The following DPH7 variants were observed in gnomAD, a reference collection of about 807,000 sequenced individuals.
DPH7 encodes diphthine methyltransferase.
A neutral mutation model predicts 41.7 loss-of-function variants in DPH7; 44 were observed. That is an observed-to-expected ratio of 1.05 (90% CI 0.83 to 1.36). The LOEUF (loss-of-function observed/expected upper bound fraction) is 1.36, where lower values mean the gene tolerates loss of function less well. Among genes scored for constraint, DPH7 ranks in the 40% most tolerant of loss-of-function variants. The pLI is 0.00. For synonymous variants in DPH7, 275 were observed against 238.0 expected, an observed-to-expected ratio of 1.16 and a Z score of -1.43; for missense variants, 629 against 577.5, an observed-to-expected ratio of 1.09 and a Z score of -0.91.
At chr9:137,572,540 AGAT>A (rs1840621106) in intron 5 of DPH7, among the ~76,000 whole-genome samples, 1 of 152,232 alleles carries the variant, frequency 6.6e-6, no homozygotes, top group African/African-American at 2.4e-5. Flanking sequence ...GTAACAAACT[AGAT>A]GAGACAGTGG....
At chr9:137,561,859 T>C (rs1838674594) in intron 8 of DPH7, among the ~76,000 whole-genome samples, 1 of 151,990 alleles carries the variant, frequency 6.6e-6, no homozygotes, top group African/African-American at 2.4e-5. Context: ...GAGGTAGCAA[T>C]AGCCCACTTT....
rs148192262 is a variant in DPH7 at position 137,572,082 on chromosome 9, C to T, written c.640+2126G>A. Among the ~76,000 whole-genome samples the T allele has an allele frequency of 3.4e-3, 516 of 152,308 alleles. 2 individuals carry two copies. Among genetic ancestry groups the T allele is most frequent in the Non-Finnish European group, 5.9e-3 (400 of 68,032 alleles). ...ACACAAATAAGAACGCCGCCTTACACACGTGCTCGTCACTCGGACAAGCAG... is the reference window on the plus strand; with the variant it reads ...ACACAAATAAGAACGCCGCCTTACATACGTGCTCGTCACTCGGACAAGCAG... On this transcript the variant is annotated intron_variant, in intron 5 of 8. Coordinates refer to ENST00000277540, the MANE Select transcript of DPH7 (RefSeq NM_138778.5).
rs758384406 is a variant in DPH7, at chr9:137,574,733, G to A, written c.467+19C>T. On this transcript the variant is annotated intron_variant, in intron 4 of 8. Transcript: ENST00000277540. ...TCTCAGAGAAAGACTCAGGACCCCT[G>A]ACCAAGCCTGGCCCTTACCTTCCAG... The A allele has an allele frequency of 6.2e-6, 10 of 1,611,102 alleles. No individual in the cohort carries two copies. The highest frequency in any genetic ancestry group is 1.7e-5 in the Admixed American group (1 of 59,926).
At chr9:137,560,788 G>A (rs193158723) in intron 8 of DPH7, among the ~76,000 whole-genome samples, 90 of 151,526 alleles carry the variant, frequency 5.9e-4, no homozygotes, top group Non-Finnish European at 9.7e-4. Context: ...CCCGGGAGGC[G>A]GAGCTTGCAG....
At chr9:137,576,707 G>T (rs1435228497) in intron 2 of DPH7, among the ~76,000 whole-genome samples, 2 of 152,214 alleles carry the variant, frequency 1.3e-5, no homozygotes, top group African/African-American at 4.8e-5. Flanking sequence ...TAATAACATG[G>T]TGAAACCACG....
chr9:137,575,987 G>C, intron 3 of DPH7, 93 bp downstream of exon 3: 4 of 1,586,994 alleles, frequency 2.5e-6, no homozygotes, highest in Non-Finnish European at 2.6e-6. Flanking sequence ...AAGAGAGATC[G>C]TTTTAGAAAA....
At chr9:137,563,260 C>T (rs1425537149) in intron 8 of DPH7, among the ~76,000 whole-genome samples, 5 of 152,146 alleles carry the variant, frequency 3.3e-5, no homozygotes, top group South Asian at 2.1e-4. Context: ...AGGCCAGGCA[C>T]GGTGGCTCAC....
At position 137,564,934 on chromosome 9, in the gene DPH7, G is replaced by A. The variant is rs1447246253; in HGVS notation, c.735C>T (p.Ile245=). 16 of 1,596,844 alleles carry A rather than the reference G, an allele frequency of 1.0e-5. No homozygotes were observed. The highest frequency in any genetic ancestry group is 1.7e-5 in the Admixed American group (1 of 57,440). ...SKRHTMGVCS[I]QSSPHREHIL... ...TGTGCTCCCGATGAGGGCTGCTCTG[G>A]ATGCTGCACACACCCATGGTGTGTC... The change falls in exon 7 of 9, where the codon ATC becomes ATT. Residue 245 remains isoleucine (I), a synonymous_variant. Coordinates refer to ENST00000277540, the MANE Select transcript of DPH7 (RefSeq NM_138778.5).
intron 8 of DPH7, among the ~76,000 whole-genome samples, chr9:137,562,116 A>G (rs1838727053): frequency 6.6e-6 from 1 of 152,118 alleles, no homozygotes; most frequent in Non-Finnish European, 1.5e-5. Context: ...TGCCCACCTC[A>G]GCCTCCCAAA....
intron 8 of DPH7, among the ~76,000 whole-genome samples, chr9:137,560,644 G>C (rs1167241605): frequency 1.3e-5 from 2 of 152,270 alleles, no homozygotes; most frequent in African/African-American, 4.8e-5. Flanking sequence ...CACGAGGTCA[G>C]GAGATCAAGA....
At chr9:137,560,663 G>A (rs1181749487) in intron 8 of DPH7, among the ~76,000 whole-genome samples, 1 of 151,036 alleles carries the variant, frequency 6.6e-6, no homozygotes, top group Non-Finnish European at 1.5e-5. Context: ...GACCATCCTG[G>A]CTAACACGGT....
chr9:137,564,858 G>C (rs371490391), intron 7 of DPH7, 35 bp downstream of exon 7: 2 of 1,573,602 alleles, frequency 1.3e-6, no homozygotes, highest in South Asian at 1.2e-5. Flanking sequence ...CAGCGAAAGA[G>C]ACGAGAAGGG....
rs1479158739 is a variant in DPH7, at chr9:137,556,427, C to T, written c.950-779G>A. ...GGCTCTGAAAGGGCTGCCATCGCTA[C>T]CTCTGAAGTACAGGGATTGATGCCA... On this transcript the variant is annotated intron_variant, in intron 8 of 8. Transcript: ENST00000277540. The surrounding 1 kb of genome is among the most constrained non-coding windows in gnomAD (Gnocchi z 5.2). 6.6e-6 allele frequency among the ~76,000 whole-genome samples: 1 copy of T among 152,192 alleles called. No homozygotes were observed. The highest frequency in any genetic ancestry group is 1.9e-4 in the East Asian group (1 of 5,198).
At position 137,578,831 on chromosome 9, in the gene DPH7, G is replaced by C. The variant is rs972574571; in HGVS notation, c.-54C>G. On this transcript the variant is annotated 5_prime_UTR_variant, in exon 1 of 9. Transcript: ENST00000277540. ...GCAGTAGAGGCGGGTCGGCGGGGCC[G>C]GGCTGGGTACTGCGCGGGGCGGCGA... 6 of 1,374,864 alleles carry C rather than the reference G, an allele frequency of 4.4e-6. No individual in the cohort carries two copies. Among genetic ancestry groups the C allele is most frequent in the South Asian group, 3.4e-5 (2 of 59,246 alleles). The allele number at this position is 1,374,864 out of a possible 1,614,324, so 85.2% of individuals were successfully genotyped here.
At position 137,555,699 on chromosome 9, in the gene DPH7, C is replaced by T. The variant is rs767933759; in HGVS notation, c.950-51G>A. Reference sequence around the variant, plus strand: ...GGAAACACAACATCACCCAGAGCCTCTCCCCAACCTGTCACACCTGACAGG... The same window carrying T: ...GGAAACACAACATCACCCAGAGCCTTTCCCCAACCTGTCACACCTGACAGG... On this transcript the variant is annotated intron_variant, in intron 8 of 8. Coordinates refer to ENST00000277540, the MANE Select transcript of DPH7 (RefSeq NM_138778.5). 9.8e-6 allele frequency: 15 copies of T among 1,523,868 alleles called. 1 individual carries two copies. Among genetic ancestry groups the T allele is most frequent in the Middle Eastern group, 3.5e-4 (2 of 5,644 alleles). The allele number at this position is 1,523,868 out of a possible 1,614,324, so 94.4% of individuals were successfully genotyped here.
In DPH7 at chr9:137,564,962, C is replaced by T. The variant is rs767831183; in HGVS notation, c.711-4G>A. On this transcript the variant is annotated splice_region_variant and splice_polypyrimidine_tract_variant and intron_variant, in intron 6 of 8. Coordinates refer to ENST00000277540, the MANE Select transcript of DPH7 (RefSeq NM_138778.5). The stretch of plus-strand genomic sequence containing the variant: ...GCTGCACACACCCATGGTGTGTCTG[C>T]AAGCAGAGGCGGCTTCTGAACCAGT... 4.4e-6 allele frequency: 7 copies of T among 1,594,058 alleles called. No individual in the cohort carries two copies. Among genetic ancestry groups the T allele is most frequent in the Non-Finnish European group, 8.5e-7 (1 of 1,170,102 alleles).
intron 8 of DPH7, 67 bp downstream of exon 8, chr9:137,564,367 A>G: frequency 1.3e-6 from 2 of 1,547,454 alleles, no homozygotes; most frequent in Admixed American, 1.9e-5. Flanking sequence ...GGAAGAGCCC[A>G]GCAGAGCGAG....
At chr9:137,560,489 G>A (rs1838323520) in intron 8 of DPH7, among the ~76,000 whole-genome samples, 2 of 152,268 alleles carry the variant, frequency 1.3e-5, no homozygotes, top group South Asian at 4.1e-4. Flanking sequence ...GGGAGGCCGA[G>A]GCAGGCAGAT....
chr9:137,564,422 G>T lies in DPH7; in HGVS notation c.949+12C>A, dbSNP rs1839183212. 6.2e-7 allele frequency: 1 copy of T among 1,606,658 alleles called. No homozygotes were observed. Among genetic ancestry groups the T allele is most frequent in the African/African-American group, 1.3e-5 (1 of 74,950 alleles). ...CTGCCCTGAGGCCCAGCAGCCACGG[G>T]TCCCCACTCACCCATTGCCTTTTGG... On this transcript the variant is annotated intron_variant, in intron 8 of 8. Transcript: ENST00000277540.
Sources: gnomAD v4.1 joint callset for allele counts (sites outside exome capture counted in the v4.1 genomes callset) on GRCh38, gnomAD v4.1.1 for gene constraint, Gnocchi (gnomAD v3.1) non-coding constraint, MANE v1.5 for transcripts, NCBI Gene and HGNC (gene_info 2026-07-23, HGNC 2026-07-21) for gene names.